The following IGSF8 variants were observed in gnomAD, a reference collection of about 807,000 sequenced individuals.
The protein encoded by IGSF8 is CD81 partner 3.
Under a neutral mutation model 55.5 loss-of-function variants are expected in IGSF8, and 46 were observed. The ratio of observed to expected loss-of-function variants is 0.83; its 90% CI spans 0.65 to 1.06. The LOEUF (loss-of-function observed/expected upper bound fraction) is 1.06, where lower values mean the gene tolerates loss of function less well. IGSF8 is among the 50% of genes least tolerant of loss of function. The probability of loss-of-function intolerance (pLI) is 0.00; values close to 1 mark genes in which losing one functional copy is unlikely to be tolerated. For missense variants in IGSF8, 731 were observed against 832.3 expected, an observed-to-expected ratio of 0.88 and a Z score of 1.50; for synonymous variants, 314 against 356.1, an observed-to-expected ratio of 0.88 and a Z score of 1.33.
intron 4 of IGSF8, 43 bp downstream of exon 4, chr1:160,092,881 T>G: frequency 6.4e-7 from 1 of 1,555,240 alleles, no homozygotes; most frequent in Non-Finnish European, 8.7e-7. Context: ...GGAAAAGGGG[T>G]TGACAATCCT....
rs1650290195 is a variant in IGSF8, at chr1:160,094,680, G to A, written c.442+189C>T. Among the ~76,000 whole-genome samples the A allele has an allele frequency of 6.6e-6, 1 of 152,000 alleles. No individual in the cohort carries two copies. The highest frequency in any genetic ancestry group is 6.5e-5 in the Admixed American group (1 of 15,272). On this transcript the variant is annotated intron_variant, in intron 2 of 6. Transcript: ENST00000314485. This position sits in a 1 kb window ranked among gnomAD's most constrained non-coding sequence, Gnocchi z 4.0. ...TGATAAGATGAGCACTGGCCTGGGT[G>A]AGGAACTCTGGGTTTGAGTCCCACA...
At chr1:160,097,680 T>C in intron 1 of IGSF8, 3 of 985,286 alleles carry the variant, frequency 3.0e-6, no homozygotes, top group African/African-American at 1.7e-5. Flanking sequence ...CCATGCAAGA[T>C]TGGCCCAGAA....
In IGSF8 at chr1:160,098,489, TG is replaced by T. The variant is rs1408078802; in HGVS notation, c.-18del. The T allele has an allele frequency of 2.7e-6, 4 of 1,462,904 alleles. No individual in the cohort carries two copies. Among genetic ancestry groups the T allele is most frequent in the Middle Eastern group, 1.9e-4 (1 of 5,322 alleles). 90.6% of individuals were successfully genotyped at this position (1,462,904 alleles called of 1,614,324 possible). On this transcript the variant is annotated 5_prime_UTR_variant, in exon 1 of 7. Coordinates refer to ENST00000314485, the MANE Select transcript of IGSF8 (RefSeq NM_052868.6). The stretch of plus-strand genomic sequence containing the variant: ...GGCGCCCATCCTGCGCGGCCAGCTC[TG>T]GGGAGGCTCCGGGGGATGGCGCGGG...
Position 160,094,857 on chromosome 1 carries a change from A to G in IGSF8, c.442+12T>C. The G allele has an allele frequency of 6.2e-7, 1 of 1,601,472 alleles. No individual in the cohort carries two copies. The highest frequency in any genetic ancestry group is 8.5e-7 in the Non-Finnish European group (1 of 1,171,156). Reference sequence around the variant, plus strand: ...AGGGTGTGTGGCTCCACCCCGTCCCAGGGCCCAGTACCTCTCAGCTCCACC... The same window carrying G: ...AGGGTGTGTGGCTCCACCCCGTCCCGGGGCCCAGTACCTCTCAGCTCCACC... On this transcript the variant is annotated intron_variant, in intron 2 of 6. Transcript: ENST00000314485. The surrounding 1 kb of genome is among the most constrained non-coding windows in gnomAD (Gnocchi z 4.0).
chr1:160,094,068 C>T lies in IGSF8; in HGVS notation c.546G>A (p.Leu182=), dbSNP rs1197715369. 2 of 1,613,446 alleles carry T rather than the reference C, an allele frequency of 1.2e-6. No individual in the cohort carries two copies. The highest frequency in any genetic ancestry group is 2.2e-5 in the South Asian group (2 of 91,092). ...PRMTVHEGQE[L]ALGCLARTST... ...TTGTCCTCGCCAGGCAGCCCAGTGC[C>T]AGCTCCTGCCCCTCATGCACCGTCA... The change falls in exon 3 of 7, where the codon CTG becomes CTA. Residue 182 remains leucine (L), a synonymous_variant. Transcript: ENST00000314485. The surrounding 1 kb of genome is among the most constrained non-coding windows in gnomAD (Gnocchi z 4.0).
In IGSF8 at chr1:160,092,362, C is replaced by G. The variant is rs1404197264; in HGVS notation, c.1646G>C (p.Trp549Ser). Residue 549 changes from tryptophan to serine, a missense_variant, in exon 5 of 7, where the codon TGG (tryptophan) becomes TCG (serine). Coordinates refer to ENST00000314485, the MANE Select transcript of IGSF8 (RefSeq NM_052868.6). The part of the protein sequence containing the change: ...EGVYHCAPSA[W>S]VQHADYSWYQ... ...CCAGCTGTAGTCGGCATGCTGCACC[C>G]AGGCGCTGGGGGCACAGTGGTACAC... 3 of 1,613,902 alleles carry G rather than the reference C, an allele frequency of 1.9e-6. No homozygotes were observed. The highest frequency in any genetic ancestry group is 2.5e-6 in the Non-Finnish European group (3 of 1,179,800).
At chr1:160,092,783 A>C in intron 4 of IGSF8, 88 bp from the exon 5 acceptor site, 1 of 1,517,240 alleles carries the variant, frequency 6.6e-7, no homozygotes, top group Non-Finnish European at 8.9e-7. Context: ...CAGGAAACTC[A>C]GGGTATTCCC....
intron 1 of IGSF8, among the ~76,000 whole-genome samples, chr1:160,096,754 C>G (rs1198744845): frequency 6.6e-6 from 1 of 151,522 alleles, no homozygotes; most frequent in Non-Finnish European, 1.5e-5. Context: ...AGTTTCCACA[C>G]TGGAGGAGAA....
rs1172939823 is a variant in IGSF8, at chr1:160,095,236, G to GC, written c.74dup (p.Cys25TrpfsTer31). On this transcript the variant is annotated frameshift_variant, in exon 2 of 7. Coordinates refer to ENST00000314485, the MANE Select transcript of IGSF8 (RefSeq NM_052868.6). LOFTEE classifies it high-confidence loss of function. ...CGGGGACCAGCACCTCCCGGGCCCA[G>GC]CATCCCATTCCTGTAGGGAAAGGCA... The GC allele has an allele frequency of 4.4e-6, 7 of 1,601,620 alleles. No homozygotes were observed. Among genetic ancestry groups the GC allele is most frequent in the Non-Finnish European group, 5.9e-6 (7 of 1,179,052 alleles).
At chr1:160,092,719 C>CA (rs753119945) in intron 4 of IGSF8, 24 bp from the exon 5 acceptor site, 1 of 1,597,350 alleles carries the variant, frequency 6.3e-7, no homozygotes, top group African/African-American at 1.3e-5. Flanking sequence ...GACATGGGGT[C>CA]AGAGGGTGCA....
intron 1 of IGSF8, among the ~76,000 whole-genome samples, chr1:160,096,083 C>T (rs1049931981): frequency 6.6e-6 from 1 of 152,170 alleles, no homozygotes. Flanking sequence ...CCCAGCTGCC[C>T]CTTCTCATCT....
At position 160,094,803 on chromosome 1, in the gene IGSF8, C is replaced by G; in HGVS notation, c.442+66G>C. Reference sequence around the variant, plus strand: ...AAACCTAAGGGGCAACTAGATAGGTCACTTGTGGCCTTGACTTTCTGCCTT... The same window carrying G: ...AAACCTAAGGGGCAACTAGATAGGTGACTTGTGGCCTTGACTTTCTGCCTT... On this transcript the variant is annotated intron_variant, in intron 2 of 6. Transcript: ENST00000314485. The surrounding 1 kb of genome is among the most constrained non-coding windows in gnomAD (Gnocchi z 4.0). The G allele has an allele frequency of 2.0e-6, 3 of 1,528,740 alleles. No homozygotes were observed. Among genetic ancestry groups the G allele is most frequent in the Non-Finnish European group, 2.7e-6 (3 of 1,127,388 alleles). The allele number at this position is 1,528,740 out of a possible 1,614,324, so 94.7% of individuals were successfully genotyped here.
chr1:160,096,047 CT>C (rs1218241110), intron 1 of IGSF8, among the ~76,000 whole-genome samples: 2 of 152,218 alleles, frequency 1.3e-5, no homozygotes, highest in African/African-American at 4.8e-5. Context: ...ATATATGGCT[CT>C]CTTTCTGTAG....
intron 1 of IGSF8, among the ~76,000 whole-genome samples, chr1:160,096,857 T>C (rs953669573): frequency 1.4e-4 from 22 of 152,196 alleles, no homozygotes; most frequent in African/African-American, 5.1e-4. Flanking sequence ...AGAGTGACGG[T>C]GGAGACAGCC....
chr1:160,097,247 C>T (rs1650494214), intron 1 of IGSF8, among the ~76,000 whole-genome samples: 1 of 152,212 alleles, frequency 6.6e-6, no homozygotes, highest in Non-Finnish European at 1.5e-5. Flanking sequence ...CCTCCCTGGG[C>T]TCCTCCCTGC....
chr1:160,096,931 G>A (rs1650474041), intron 1 of IGSF8, among the ~76,000 whole-genome samples: 1 of 152,140 alleles, frequency 6.6e-6, no homozygotes, highest in Non-Finnish European at 1.5e-5. Context: ...CCATTTTCCT[G>A]GCTCCACAAC....
In IGSF8 at chr1:160,093,690, G is replaced by C. The variant is rs1650184933; in HGVS notation, c.904+20C>G. 1.9e-6 allele frequency: 3 copies of C among 1,569,836 alleles called. No individual in the cohort carries two copies. Among genetic ancestry groups the C allele is most frequent in the Non-Finnish European group, 2.6e-6 (3 of 1,152,368 alleles). On this transcript the variant is annotated intron_variant, in intron 3 of 6. Transcript: ENST00000314485. ...CTGTCCCTCCCAGCTCCCACAGTGG[G>C]ATGTATAAGTGGCACTTACACAGCG...
In IGSF8 at chr1:160,097,901, G is replaced by A. The variant is rs546522155; in HGVS notation, c.64+508C>T. On this transcript the variant is annotated intron_variant, in intron 1 of 6. Coordinates refer to ENST00000314485, the MANE Select transcript of IGSF8 (RefSeq NM_052868.6). Reference sequence around the variant, plus strand: ...AGGGTGGAGATGGGGGTGAGAGAGGGAACTGCCCCCAGTTGATGAAGTGCG... The same window carrying A: ...AGGGTGGAGATGGGGGTGAGAGAGGAAACTGCCCCCAGTTGATGAAGTGCG... The A allele has an allele frequency of 1.3e-5, 13 of 985,404 alleles. No individual in the cohort carries two copies. In the East Asian group the frequency reaches 1.4e-3, roughly 103 times the overall value. 61.0% of individuals were successfully genotyped at this position (985,404 alleles called of 1,614,324 possible).
chr1:160,095,069 G>A lies in IGSF8; in HGVS notation c.242C>T (p.Thr81Ile). The A allele has an allele frequency of 6.2e-7, 1 of 1,614,164 alleles. No homozygotes were observed. The highest frequency in any genetic ancestry group is 8.5e-7 in the Non-Finnish European group (1 of 1,180,020). ...AGCATAGGAGAACTGGGTATCCTTGGTACTGACAATGCCCAGTGCAGTATC... is the reference window on the plus strand; with the variant it reads ...AGCATAGGAGAACTGGGTATCCTTGATACTGACAATGCCCAGTGCAGTATC... ...APDTALGIVS[T>I]KDTQFSYAVF... Residue 81 changes from threonine (T) to isoleucine (I), a missense_variant, in exon 2 of 7, where the codon ACC becomes ATC. Coordinates refer to ENST00000314485, the MANE Select transcript of IGSF8 (RefSeq NM_052868.6).
Sources: gnomAD v4.1 joint callset for allele counts (sites outside exome capture counted in the v4.1 genomes callset) on GRCh38, gnomAD v4.1.1 for gene constraint, Gnocchi (gnomAD v3.1) non-coding constraint, MANE v1.5 for transcripts, NCBI Gene and HGNC (gene_info 2026-07-23, HGNC 2026-07-21) for gene names.